ZPLD1: variants seen among roughly 807,000 people sequenced by gnomAD.
ZPLD1 encodes zona pellucida like domain containing 1, also known as zona pellucida-like domain-containing protein 1.
Under a neutral mutation model 47.2 loss-of-function variants are expected in ZPLD1, and 34 were observed. The ratio of observed to expected loss-of-function variants is 0.72; its 90% CI spans 0.55 to 0.96. ZPLD1 has a LOEUF of 0.96. Among genes scored for constraint, ZPLD1 ranks in the 40% least tolerant of loss-of-function variants. The pLI is 0.00. For missense variants in ZPLD1, 512 were observed against 505.8 expected (o/e 1.01, Z -0.12); for synonymous variants, 176 against 186.2 (o/e 0.95, Z 0.45).
At chr3:102,456,078 T>C (rs555149088) in intron 4 of ZPLD1, 115 bp from the exon 5 acceptor site, 2 of 758,526 alleles carry the variant, frequency 2.6e-6, no homozygotes, top group Admixed American at 3.4e-5. Context: ...CCTTCTCATT[T>C]TATAGTTGAA....
Position 102,424,095 on chromosome 3 carries a change from G to T in ZPLD1, c.-9+5888G>T, listed in dbSNP as rs574627929. On this transcript the variant is annotated intron_variant, in intron 8 of 17. Coordinates refer to the ZPLD1 transcript ENST00000491959. Reference sequence around the variant, plus strand: ...TAATTACTGCTCTATGTAAGGGAATGATTTTCTTTTATCCATCAGGAAACA... The same window carrying T: ...TAATTACTGCTCTATGTAAGGGAATTATTTTCTTTTATCCATCAGGAAACA... 2.6e-5 allele frequency among the ~76,000 whole-genome samples: 4 copies of T among 152,252 alleles called. No individual in the cohort carries two copies. In the South Asian group the frequency reaches 8.3e-4, roughly 32 times the overall value.
chr3:102,466,769 TAAAC>T (rs1333349925), intron 8 of ZPLD1, among the ~76,000 whole-genome samples: 11 of 150,920 alleles, frequency 7.3e-5, no homozygotes, highest in East Asian at 3.9e-4. Context: ...CAAATAAAAA[TAAAC>T]AAATATGAAG....
chr3:102,461,759 G>T (rs1350290550), intron 6 of ZPLD1, among the ~76,000 whole-genome samples: 1 of 151,888 alleles, frequency 6.6e-6, no homozygotes, highest in African/African-American at 2.4e-5. Flanking sequence ...ACTTTAAAAT[G>T]GTCTTACTTT....
At chr3:102,418,299 C>A (rs1159142104) in intron 8 of ZPLD1, 1 of 152,030 alleles carries the variant, frequency 6.6e-6, no homozygotes, top group South Asian at 2.1e-4. Flanking sequence ...ATAATGTTTT[C>A]TTTTTAACAC....
chr3:102,426,556 C>A (rs950540993), intron 8 of ZPLD1, among the ~76,000 whole-genome samples: 2 of 150,830 alleles, frequency 1.3e-5, no homozygotes, highest in African/African-American at 4.9e-5. Context: ...TTGCTTAATT[C>A]TTTCCTTTTA....
At chr3:102,412,006 A>T (rs998373600) in intron 7 of ZPLD1, among the ~76,000 whole-genome samples, 1 of 151,714 alleles carries the variant, frequency 6.6e-6, no homozygotes, top group Non-Finnish European at 1.5e-5. Context: ...TGAGGGGTTG[A>T]TGTATTCCTG....
intron 6 of ZPLD1, among the ~76,000 whole-genome samples, chr3:102,389,564 G>T (rs1576121308): frequency 6.6e-6 from 1 of 152,160 alleles, no homozygotes; most frequent in South Asian, 2.1e-4. Context: ...CCTTGATTTT[G>T]TAGTACCATG....
chr3:102,446,772 T>C (rs1319305798), intron 3 of ZPLD1, among the ~76,000 whole-genome samples: 1 of 152,190 alleles, frequency 6.6e-6, no homozygotes, highest in African/African-American at 2.4e-5. Flanking sequence ...GTTTATAATG[T>C]TGTTTACAAA....
At chr3:102,459,734 G>A (rs969892741) in intron 6 of ZPLD1, among the ~76,000 whole-genome samples, 1 of 152,066 alleles carries the variant, frequency 6.6e-6, no homozygotes, top group African/African-American at 2.4e-5. Flanking sequence ...TGATTAGAAA[G>A]TACAGAGTTC....
chr3:102,453,227 C>A, intron 4 of ZPLD1, 88 bp downstream of exon 4: 1 of 1,200,402 alleles, frequency 8.3e-7, no homozygotes. Flanking sequence ...CCCAATCTAT[C>A]TCTTGAGAAA....
chr3:102,409,274 C>T (rs1706724684), intron 7 of ZPLD1, among the ~76,000 whole-genome samples: 1 of 151,768 alleles, frequency 6.6e-6, no homozygotes, highest in Admixed American at 6.6e-5. Context: ...CGTTTTTCCA[C>T]CATTTGGCTA....
intron 10 of ZPLD1, among the ~76,000 whole-genome samples, chr3:102,476,225 T>C (rs1038910732): frequency 1.3e-5 from 2 of 152,108 alleles, no homozygotes; most frequent in African/African-American, 4.8e-5. Flanking sequence ...ATTATATGGT[T>C]CAAATAACAA....
At chr3:102,427,247 C>T (rs942636578) in intron 8 of ZPLD1, among the ~76,000 whole-genome samples, 2 of 151,910 alleles carry the variant, frequency 1.3e-5, no homozygotes, top group African/African-American at 2.4e-5. Flanking sequence ...CCACCAATAG[C>T]GACTTATTTT....
intron 10 of ZPLD1, among the ~76,000 whole-genome samples, chr3:102,471,231 T>A (rs1411770479): frequency 6.6e-6 from 1 of 152,216 alleles, no homozygotes; most frequent in African/African-American, 2.4e-5. Flanking sequence ...TGTAAGCAGA[T>A]GGGAGGGCAC....
chr3:102,405,876 G>A (rs2107295180), intron 7 of ZPLD1, among the ~76,000 whole-genome samples: 1 of 152,064 alleles, frequency 6.6e-6, no homozygotes. Context: ...GCCCGTTTGG[G>A]CCTTGGTTTT....
chr3:102,453,556 A>G (rs1225813333), intron 4 of ZPLD1, among the ~76,000 whole-genome samples: 1 of 152,252 alleles, frequency 6.6e-6, no homozygotes, highest in African/African-American at 2.4e-5. Context: ...AAGACGAAAG[A>G]TAGAATGGGA....
At chr3:102,419,404 G>C (rs1706848650) in intron 8 of ZPLD1, among the ~76,000 whole-genome samples, 2 of 151,582 alleles carry the variant, frequency 1.3e-5, no homozygotes, top group Admixed American at 6.6e-5. Flanking sequence ...TTTTGTTTTA[G>C]AGATTTTCAG....
chr3:102,406,279 G>A (rs1218643481), intron 7 of ZPLD1, among the ~76,000 whole-genome samples: 1 of 151,860 alleles, frequency 6.6e-6, no homozygotes, highest in Non-Finnish European at 1.5e-5. Flanking sequence ...GAGAAGGCTA[G>A]GTTTCTAAAC....
At position 102,452,953 on chromosome 3, in the gene ZPLD1, G is replaced by A; in HGVS notation, c.141G>A (p.Gln47=). The part of the protein sequence containing the change: ...ERDISVYCGV[Q]AITMKINFCT... Reference sequence around the variant, plus strand: ...ACATCAGTGTCTATTGTGGAGTGCAGGCTATTACGATGAAGATTAATTTTT... The same window carrying A: ...ACATCAGTGTCTATTGTGGAGTGCAAGCTATTACGATGAAGATTAATTTTT... Residue 47 remains glutamine (Q), a synonymous_variant, in exon 4 of 12, where the codon CAG becomes CAA. Coordinates refer to ENST00000466937, the MANE Select transcript of ZPLD1 (RefSeq NM_001329788.2). 1 of 1,614,012 alleles carries A rather than the reference G, an allele frequency of 6.2e-7. No homozygotes were observed. The highest frequency in any genetic ancestry group is 8.5e-7 in the Non-Finnish European group (1 of 1,179,980).
Sources: gnomAD v4.1 joint callset for allele counts (sites outside exome capture counted in the v4.1 genomes callset) on GRCh38, gnomAD v4.1.1 for gene constraint, MANE v1.5 for transcripts, NCBI Gene and HGNC (gene_info 2026-07-23, HGNC 2026-07-21) for gene names.